CNTNAP2: variants seen among roughly 807,000 people sequenced by gnomAD.
The protein encoded by CNTNAP2 is contactin-associated protein-like 2.
Under a neutral mutation model 155.2 loss-of-function variants are expected in CNTNAP2, and 98 were observed. That is an observed-to-expected ratio of 0.63 (90% CI 0.54 to 0.75). The LOEUF (loss-of-function observed/expected upper bound fraction) is 0.75, where lower values mean the gene tolerates loss of function less well. Ranked by LOEUF, CNTNAP2 falls within the 30% of genes least tolerant of loss-of-function variation. The pLI, the probability that CNTNAP2 is intolerant of heterozygous loss-of-function variation, is 0.00. For missense variants in CNTNAP2, 1,727 were observed against 1,688.1 expected, an observed-to-expected ratio of 1.02 and a Z score of -0.40; for synonymous variants, 651 against 631.2, an observed-to-expected ratio of 1.03 and a Z score of -0.47.
chr7:148,172,502 G>A (rs1326186345), intron 18 of CNTNAP2, 24 bp downstream of exon 18: 1 of 1,599,044 alleles, frequency 6.3e-7, no homozygotes, highest in Non-Finnish European at 8.6e-7. Context: ...CATTTCCAGA[G>A]CCACTTTTGC....
chr7:147,720,787 G>A (rs1796555496), intron 13 of CNTNAP2, among the ~76,000 whole-genome samples: 1 of 152,068 alleles, frequency 6.6e-6, no homozygotes, highest in South Asian at 2.1e-4. Flanking sequence ...ATGCTGAACT[G>A]TGAGTTAGTT....
rs114916431 is a variant in CNTNAP2, at chr7:147,236,095, C to A, written c.1349-64046C>A. ...CTTAACCCCCAGTTATAAGCAATTT[C>A]TTGTCACTACTGCTGCCATCTCTCC... On this transcript the variant is annotated intron_variant, in intron 8 of 23. Coordinates refer to ENST00000361727, the MANE Select transcript of CNTNAP2 (RefSeq NM_014141.6). 2.7e-3 allele frequency among the ~76,000 whole-genome samples: 407 copies of A among 152,286 alleles called. 1 individual carries two copies. Among genetic ancestry groups the A allele is most frequent in the African/African-American group, 9.2e-3 (381 of 41,550 alleles).
intron 1 of CNTNAP2, among the ~76,000 whole-genome samples, chr7:146,392,255 T>G (rs1049349569): frequency 6.6e-6 from 1 of 151,960 alleles, no homozygotes; most frequent in African/African-American, 2.4e-5. Context: ...TGCCAATGAC[T>G]TATGACATTA....
chr7:148,318,166 C>G (rs1171565207), intron 21 of CNTNAP2, among the ~76,000 whole-genome samples: 2 of 152,146 alleles, frequency 1.3e-5, no homozygotes, highest in Non-Finnish European at 2.9e-5. Context: ...GAGCCTAGAT[C>G]TTAGAATCAG....
intron 20 of CNTNAP2, among the ~76,000 whole-genome samples, chr7:148,242,516 G>A (rs1158425000): frequency 1.3e-5 from 2 of 152,212 alleles, no homozygotes; most frequent in African/African-American, 2.4e-5. Context: ...TGTGAAACTG[G>A]CTTGGGTGTG....
At chr7:147,790,117 C>T (rs2116571305) in intron 13 of CNTNAP2, among the ~76,000 whole-genome samples, 1 of 152,238 alleles carries the variant, frequency 6.6e-6, no homozygotes, top group Middle Eastern at 3.4e-3. Context: ...AAGGTTCTTT[C>T]CCCAAATCTT....
chr7:147,304,268 T>C (rs1228001785), intron 9 of CNTNAP2, among the ~76,000 whole-genome samples: 1 of 152,212 alleles, frequency 6.6e-6, no homozygotes, highest in Non-Finnish European at 1.5e-5. Context: ...GCATGTTTCT[T>C]CAGTAAAGTG....
intron 15 of CNTNAP2, among the ~76,000 whole-genome samples, chr7:147,986,191 C>G (rs1262468997): frequency 6.6e-6 from 1 of 152,122 alleles, no homozygotes; most frequent in East Asian, 1.9e-4. Context: ...CATAGAGGAC[C>G]ACTTTCTCTC....
intron 12 of CNTNAP2, among the ~76,000 whole-genome samples, chr7:147,570,899 T>C (rs1800275471): frequency 2.0e-5 from 3 of 152,236 alleles, no homozygotes; most frequent in African/African-American, 7.2e-5. Context: ...ATTTGCAATA[T>C]GATTGCTGAA....
At chr7:147,383,987 T>G (rs1313170949) in intron 9 of CNTNAP2, among the ~76,000 whole-genome samples, 2 of 151,932 alleles carry the variant, frequency 1.3e-5, no homozygotes, top group African/African-American at 2.4e-5. Context: ...TGAAAAAAAT[T>G]TATAGAAAAA....
At chr7:148,212,300 A>T (rs148637889) in intron 18 of CNTNAP2, among the ~76,000 whole-genome samples, 95 of 152,314 alleles carry the variant, frequency 6.2e-4, no homozygotes, top group African/African-American at 2.2e-3. Flanking sequence ...ATAACCTGTG[A>T]TGAGGACCAA....
intron 13 of CNTNAP2, among the ~76,000 whole-genome samples, chr7:147,738,662 AT>A (rs869054014): frequency 0.03 from 334 of 11,272 alleles, 4 homozygotes; most frequent in African/African-American, 0.1. Flanking sequence ...TTTTTTTTTT[AT>A]TTTTTTTTTT....
intron 1 of CNTNAP2, among the ~76,000 whole-genome samples, chr7:146,733,047 C>T (rs1801552964): frequency 6.6e-6 from 1 of 151,978 alleles, no homozygotes; most frequent in Non-Finnish European, 1.5e-5. Context: ...ATAGACTGCA[C>T]TAATATATAA....
intron 1 of CNTNAP2, among the ~76,000 whole-genome samples, chr7:146,440,276 G>T (rs1796302044): frequency 6.6e-6 from 1 of 151,612 alleles, no homozygotes; most frequent in Non-Finnish European, 1.5e-5. Context: ...ATGAAGATGA[G>T]TACTTTTAAA....
intron 20 of CNTNAP2, among the ~76,000 whole-genome samples, chr7:148,247,725 C>T (rs978066156): frequency 6.6e-6 from 1 of 150,968 alleles, no homozygotes; most frequent in African/African-American, 2.4e-5. Flanking sequence ...GCAATCTCAG[C>T]TCACTGCTAC....
chr7:147,788,638 T>C (rs1797772454), intron 13 of CNTNAP2, among the ~76,000 whole-genome samples: 1 of 152,086 alleles, frequency 6.6e-6, no homozygotes, highest in Non-Finnish European at 1.5e-5. Context: ...TCTCACACCA[T>C]CCTCTTTCCT....
intron 13 of CNTNAP2, among the ~76,000 whole-genome samples, chr7:147,838,220 G>T (rs1477660330): frequency 2.0e-5 from 3 of 152,064 alleles, no homozygotes; most frequent in Admixed American, 6.6e-5. Flanking sequence ...AGGGACCCTG[G>T]GGCCACCCCA....
intron 1 of CNTNAP2, among the ~76,000 whole-genome samples, chr7:146,485,207 A>C (rs1047836847): frequency 2.6e-5 from 4 of 152,136 alleles, no homozygotes; most frequent in African/African-American, 9.7e-5. Flanking sequence ...ACAATGTTTA[A>C]AAAAATAAAA....
At chr7:146,336,559 T>C (rs1311003717) in intron 1 of CNTNAP2, among the ~76,000 whole-genome samples, 1 of 151,832 alleles carries the variant, frequency 6.6e-6, no homozygotes, top group African/African-American at 2.4e-5. Flanking sequence ...ACAGAATTAA[T>C]TGGACTTTAT....
Sources: allele counts gnomAD v4.1 joint callset (sites outside exome capture counted in the v4.1 genomes callset), GRCh38; gene constraint gnomAD v4.1.1; transcripts MANE v1.5; gene names NCBI Gene and HGNC (gene_info 2026-07-23, HGNC 2026-07-21).